Variants in MTUS1 observed in about 807,000 individuals in gnomAD.
The protein encoded by MTUS1 is microtubule associated scaffold protein 1, also known as microtubule-associated tumor suppressor 1.
A neutral mutation model predicts 120.8 loss-of-function variants in MTUS1; 109 were observed. The observed-to-expected ratio is 0.90, with a 90% CI of 0.77 to 1.06. MTUS1 has a LOEUF of 1.06. MTUS1 is among the 50% of genes least tolerant of loss of function. MTUS1 has a pLI of 0.00. For missense variants in MTUS1, 2,210 were observed against 1,486.3 expected (o/e 1.49, Z -8.01); for synonymous variants, 737 against 550.5 (o/e 1.34, Z -4.74).
chr8:17,658,496 C>T (rs539827262), intron 8 of MTUS1, among the ~76,000 whole-genome samples: 17 of 152,248 alleles, frequency 1.1e-4, no homozygotes, highest in African/African-American at 3.9e-4. Flanking sequence ...TGGACATTCC[C>T]AGTCTTCTGT....
intron 4 of MTUS1, among the ~76,000 whole-genome samples, chr8:17,717,311 G>C (rs1295766384): frequency 2.0e-5 from 3 of 152,130 alleles, no homozygotes; most frequent in Non-Finnish European, 4.4e-5. Flanking sequence ...TTCCAAAGTT[G>C]ACAGGAAGCT....
intron 3 of MTUS1, among the ~76,000 whole-genome samples, chr8:17,730,883 G>A (rs2046529189): frequency 6.6e-6 from 1 of 152,166 alleles, no homozygotes; most frequent in African/African-American, 2.4e-5. Context: ...AAGTTCTGGA[G>A]ATGGATATGG....
chr8:17,675,628 T>C (rs1161395124), intron 7 of MTUS1, among the ~76,000 whole-genome samples: 1 of 152,238 alleles, frequency 6.6e-6, no homozygotes, highest in Non-Finnish European at 1.5e-5. Context: ...CAGTTTAAGA[T>C]AAATATTTAA....
intron 6 of MTUS1, among the ~76,000 whole-genome samples, chr8:17,686,961 A>G (rs1009336410): frequency 1.3e-5 from 2 of 152,200 alleles, no homozygotes; most frequent in African/African-American, 2.4e-5. Context: ...AAATTCGAGG[A>G]CATACATTTT....
intron 1 of MTUS1, among the ~76,000 whole-genome samples, chr8:17,788,143 G>C (rs1040038781): frequency 1.3e-5 from 2 of 152,052 alleles, no homozygotes; most frequent in Non-Finnish European, 2.9e-5. Flanking sequence ...GACATTCTAA[G>C]GTGATGGACA....
intron 9 of MTUS1, among the ~76,000 whole-genome samples, chr8:17,655,582 G>C (rs954232901): frequency 1.3e-5 from 2 of 152,056 alleles, no homozygotes; most frequent in Admixed American, 6.6e-5. Flanking sequence ...AAATTAGCTG[G>C]GCATGGTGAT....
intron 1 of MTUS1, among the ~76,000 whole-genome samples, chr8:17,777,766 G>A (rs538797711): frequency 1.3e-4 from 20 of 152,236 alleles, no homozygotes; most frequent in African/African-American, 4.6e-4. Context: ...AGAGTCTCAA[G>A]AAAACTATCG....
intron 3 of MTUS1, among the ~76,000 whole-genome samples, chr8:17,734,723 A>T (rs1168010584): frequency 6.6e-6 from 1 of 152,210 alleles, no homozygotes; most frequent in Non-Finnish European, 1.5e-5. Flanking sequence ...CAAAGGAGAT[A>T]AACAAGGGTC....
rs968668018 is a variant in MTUS1 at position 17,801,085 on chromosome 8, G to A, written c.-179C>T. On this transcript the variant is annotated 5_prime_UTR_variant, in exon 1 of 15. Transcript: ENST00000693296. ...CCCGCAGCTCCTTCAAGCGCTCCGG[G>A]AGCAAAGACGCAGAGGCGGGGAGGG... Among the ~76,000 whole-genome samples the A allele has an allele frequency of 9.9e-5, 15 of 152,010 alleles. No homozygotes were observed. The highest frequency in any genetic ancestry group is 2.1e-4 in the South Asian group (1 of 4,830).
At chr8:17,722,149 C>G in intron 4 of MTUS1, 2 of 1,157,248 alleles carry the variant, frequency 1.7e-6, no homozygotes, top group Non-Finnish European at 1.1e-6. Flanking sequence ...TATGGTAAAC[C>G]CCTTTGTTAA....
At chr8:17,799,017 A>ATTT (rs34607430) in intron 1 of MTUS1, among the ~76,000 whole-genome samples, 1 of 149,422 alleles carries the variant, frequency 6.7e-6, no homozygotes, top group Admixed American at 6.7e-5. Flanking sequence ...CCTGGGAAGA[A>ATTT]TTTTTTTTTT....
At chr8:17,648,302 C>A (rs1270406442) in intron 13 of MTUS1, among the ~76,000 whole-genome samples, 1 of 152,298 alleles carries the variant, frequency 6.6e-6, no homozygotes, top group South Asian at 2.1e-4. Context: ...CACACATACA[C>A]AATGCAAGGC....
chr8:17,689,154 T>G (rs994027128), intron 6 of MTUS1, among the ~76,000 whole-genome samples: 5 of 152,062 alleles, frequency 3.3e-5, no homozygotes, highest in African/African-American at 1.2e-4. Flanking sequence ...GAAGTTCCAG[T>G]GAGCCGAGAT....
intron 8 of MTUS1, among the ~76,000 whole-genome samples, chr8:17,657,998 A>T (rs1005144846): frequency 1.4e-5 from 2 of 146,056 alleles, no homozygotes; most frequent in African/African-American, 5.1e-5. Context: ...TAATACATAT[A>T]TACACATATA....
intron 6 of MTUS1, among the ~76,000 whole-genome samples, chr8:17,707,029 T>G (rs1223733562): frequency 6.6e-6 from 1 of 152,188 alleles, no homozygotes; most frequent in South Asian, 2.1e-4. Flanking sequence ...CCACCACTAC[T>G]TACAGCTTTA....
intron 1 of MTUS1, among the ~76,000 whole-genome samples, chr8:17,773,326 T>C (rs1031397596): frequency 5.3e-5 from 8 of 152,268 alleles, no homozygotes; most frequent in Non-Finnish European, 8.8e-5. Flanking sequence ...CTAGCCACAC[T>C]GTCATTAGAG....
rs946226535 is a variant in MTUS1, at chr8:17,643,961, CTATTT to C, written c.*1960_*1964del. On this transcript the variant is annotated 3_prime_UTR_variant, in exon 15 of 15. Coordinates refer to ENST00000693296, the MANE Select transcript of MTUS1 (RefSeq NM_001363059.2). ...GTTTAAACAAAATCTTAAGAATTCT[CTATTT>C]TGTTTCCCATCTTCCCTCCTGTTCT... The C allele has an allele frequency of 1.3e-5, 2 of 152,208 alleles. No homozygotes were observed. The highest frequency in any genetic ancestry group is 4.8e-5 in the African/African-American group (2 of 41,440). 9.4% of individuals were successfully genotyped at this position (152,208 alleles called of 1,614,324 possible).
At chr8:17,722,634 T>A in intron 4 of MTUS1, 1 of 875,478 alleles carries the variant, frequency 1.1e-6, no homozygotes, top group Non-Finnish European at 1.4e-6. Context: ...ATTCGGTCAT[T>A]AATTCAATGC....
intron 8 of MTUS1, among the ~76,000 whole-genome samples, chr8:17,661,741 T>C (rs987905884): frequency 6.6e-6 from 1 of 151,578 alleles, no homozygotes; most frequent in African/African-American, 2.4e-5. Context: ...ATGGGTCAGA[T>C]GGGGGAACAG....
Sources: gnomAD v4.1 joint callset for allele counts (sites outside exome capture counted in the v4.1 genomes callset) on GRCh38, gnomAD v4.1.1 for gene constraint, MANE v1.5 for transcripts, NCBI Gene and HGNC (gene_info 2026-07-23, HGNC 2026-07-21) for gene names.